Variants in KIAA1958 observed in about 807,000 individuals in gnomAD.
KIAA1958 encodes the protein uncharacterized protein KIAA1958.
A neutral mutation model predicts 47.2 loss-of-function variants in KIAA1958; 14 were observed. The observed-to-expected ratio is 0.30, with a 90% CI of 0.20 to 0.46. The LOEUF (loss-of-function observed/expected upper bound fraction) is 0.46. Ranked by LOEUF, KIAA1958 falls within the 20% of genes least tolerant of loss-of-function variation. The pLI is 1.00. For missense variants in KIAA1958, 803 were observed against 909.2 expected (o/e 0.88, Z 1.50); for synonymous variants, 354 against 353.3 (o/e 1.00, Z -0.02).
intron 1 of KIAA1958, among the ~76,000 whole-genome samples, chr9:112,533,825 C>G (rs1355319262): frequency 6.6e-6 from 1 of 152,128 alleles, no homozygotes; most frequent in African/African-American, 2.4e-5. Context: ...ATTACCTCTT[C>G]CTGGTTCTGC....
intron 1 of KIAA1958, among the ~76,000 whole-genome samples, chr9:112,521,516 C>T (rs1834543587): frequency 6.6e-6 from 1 of 152,080 alleles, no homozygotes; most frequent in Admixed American, 6.5e-5. Flanking sequence ...GCCAGGCCCT[C>T]TGAATAGTCT....
In KIAA1958 at chr9:112,618,982, T is replaced by A; in HGVS notation, c.1172-26668T>A. On this transcript the variant is annotated intron_variant, in intron 2 of 3. Transcript: ENST00000337530. This position sits in a 1 kb window ranked among gnomAD's most constrained non-coding sequence, Gnocchi z 7.1. The stretch of plus-strand genomic sequence containing the variant: ...CGGAGAAACTGTGATTATACACCGC[T>A]TCTCGTTCCCCTTCCTGTGCCCTCA... The A allele has an allele frequency of 2.8e-6, 4 of 1,446,502 alleles. No homozygotes were observed. Among genetic ancestry groups the A allele is most frequent in the Non-Finnish European group, 3.7e-6 (4 of 1,093,492 alleles). 89.6% of individuals were successfully genotyped at this position (1,446,502 alleles called of 1,614,324 possible). A position where few individuals can be genotyped will look rare whatever the true frequency, so the allele number is the denominator to read the frequency against.
At chr9:112,554,310 T>C (rs10817358) in intron 1 of KIAA1958, among the ~76,000 whole-genome samples, 145,163 of 152,098 alleles carry the variant, frequency 0.95, 69,343 homozygotes, top group African/African-American at 0.99. Context: ...CCAGCCTGAC[T>C]AACATGGTGA....
At chr9:112,550,995 A>G (rs986138445) in intron 1 of KIAA1958, among the ~76,000 whole-genome samples, 2 of 150,148 alleles carry the variant, frequency 1.3e-5, no homozygotes, top group African/African-American at 2.4e-5. Context: ...ATGGGGTTTG[A>G]GCAACCTTGG....
At chr9:112,534,395 A>G (rs976836134) in intron 1 of KIAA1958, among the ~76,000 whole-genome samples, 2 of 152,202 alleles carry the variant, frequency 1.3e-5, no homozygotes, top group African/African-American at 4.8e-5. Context: ...CCAAAAAATG[A>G]TGTCAGGGTA....
At position 112,667,804 on chromosome 9, in the gene KIAA1958, A is replaced by G. The variant is rs1175315380; in HGVS notation, c.*7735A>G. 6.6e-6 allele frequency: 1 copy of G among 152,214 alleles called. No homozygotes were observed. The highest frequency in any genetic ancestry group is 1.5e-5 in the Non-Finnish European group (1 of 68,034). The allele number at this position is 152,214 out of a possible 1,614,324, so 9.4% of individuals were successfully genotyped here. On this transcript the variant is annotated 3_prime_UTR_variant, in exon 4 of 4. Transcript: ENST00000337530. ...GCTATGTAATAGTCTTACAAAGATAATAAGTTGTACAGCAACCTACGAGGC... is the reference window on the plus strand; with the variant it reads ...GCTATGTAATAGTCTTACAAAGATAGTAAGTTGTACAGCAACCTACGAGGC...
chr9:112,624,280 A>C lies in KIAA1958; in HGVS notation c.1172-21370A>C, dbSNP rs112408184. Among the ~76,000 whole-genome samples the C allele has an allele frequency of 5.2e-3, 789 of 152,376 alleles. 10 individuals carry two copies. The highest frequency in any genetic ancestry group is 0.018 in the African/African-American group (751 of 41,594). On this transcript the variant is annotated intron_variant, in intron 2 of 3. Coordinates refer to ENST00000337530, the MANE Select transcript of KIAA1958 (RefSeq NM_133465.4). The stretch of plus-strand genomic sequence containing the variant: ...ATCTACCATACAATATGGTACAGAT[A>C]GGCAGTGATCAATTAAGAAATGCAC...
In KIAA1958 at chr9:112,667,032, CA is replaced by C. The variant is rs1837359719; in HGVS notation, c.*6966del. 6.6e-6 allele frequency: 1 copy of C among 152,112 alleles called. No individual in the cohort carries two copies. Among genetic ancestry groups the C allele is most frequent in the African/African-American group, 2.4e-5 (1 of 41,396 alleles). The allele number at this position is 152,112 out of a possible 1,614,324, so 9.4% of individuals were successfully genotyped here. A position where few individuals can be genotyped will look rare whatever the true frequency, so the allele number is the denominator to read the frequency against. ...ATAAATACCTGAGTAGCAGAACACG[CA>C]AATATTATGATTTTTTATGTATGAT... is the stretch of plus-strand genomic sequence containing the variant. On this transcript the variant is annotated 3_prime_UTR_variant, in exon 4 of 4. Coordinates refer to ENST00000337530, the MANE Select transcript of KIAA1958 (RefSeq NM_133465.4).
At chr9:112,629,381 C>T (rs887616891) in intron 2 of KIAA1958, among the ~76,000 whole-genome samples, 2 of 152,060 alleles carry the variant, frequency 1.3e-5, no homozygotes, top group East Asian at 1.9e-4. Flanking sequence ...GAAAAACGCA[C>T]GTGTGCCTGT....
At chr9:112,633,319 G>A (rs1413047578) in intron 2 of KIAA1958, among the ~76,000 whole-genome samples, 1 of 151,678 alleles carries the variant, frequency 6.6e-6, no homozygotes, top group African/African-American at 2.4e-5. Context: ...AACAGAAAAG[G>A]GGGGATTTTA....
intron 2 of KIAA1958, among the ~76,000 whole-genome samples, chr9:112,597,185 T>A (rs1477064300): frequency 6.6e-6 from 1 of 152,184 alleles, no homozygotes; most frequent in Non-Finnish European, 1.5e-5. Flanking sequence ...CTTCCCAGAC[T>A]CCTCTTCAGT....
chr9:112,613,429 A>G (rs771614496), intron 2 of KIAA1958, among the ~76,000 whole-genome samples: 4 of 152,230 alleles, frequency 2.6e-5, no homozygotes, highest in Non-Finnish European at 5.9e-5. Context: ...CCTTGGAATA[A>G]GCAAAATGTC....
chr9:112,523,945 C>A (rs1409278304), intron 1 of KIAA1958, among the ~76,000 whole-genome samples: 1 of 152,222 alleles, frequency 6.6e-6, no homozygotes, highest in Admixed American at 6.5e-5. Flanking sequence ...AGTGGCTCTT[C>A]TAGCCAACTA....
Position 112,503,760 on chromosome 9 carries a change from A to G in KIAA1958, c.-25+16642A>G, listed in dbSNP as rs1413852753. Among the ~76,000 whole-genome samples the G allele has an allele frequency of 2.0e-5, 3 of 152,064 alleles. No individual in the cohort carries two copies. In the East Asian group the frequency reaches 5.8e-4, roughly 29 times the overall value. Reference sequence around the variant, plus strand: ...TCATGTAGAACCTTCTGGCAAAATGAAAAATCCCTATTAAAAATTGTTCAA... The same window carrying G: ...TCATGTAGAACCTTCTGGCAAAATGGAAAATCCCTATTAAAAATTGTTCAA... On this transcript the variant is annotated intron_variant, in intron 1 of 3. Transcript: ENST00000337530.
intron 1 of KIAA1958, among the ~76,000 whole-genome samples, chr9:112,530,772 G>A (rs1413621070): frequency 1.3e-5 from 2 of 152,302 alleles, no homozygotes; most frequent in Non-Finnish European, 2.9e-5. Flanking sequence ...AAGTGTTTCA[G>A]TGATTATATA....
intron 2 of KIAA1958, among the ~76,000 whole-genome samples, chr9:112,602,841 T>C (rs1229772440): frequency 6.6e-6 from 1 of 152,192 alleles, no homozygotes; most frequent in East Asian, 1.9e-4. Context: ...CAACATTTAA[T>C]TTTATGCCAC....
At chr9:112,499,017 T>C (rs1462491487) in intron 1 of KIAA1958, among the ~76,000 whole-genome samples, 1 of 152,242 alleles carries the variant, frequency 6.6e-6, no homozygotes, top group Non-Finnish European at 1.5e-5. Context: ...GCCTGACTTA[T>C]TTTGCTTAGC....
At chr9:112,497,184 A>G (rs1426018593) in intron 1 of KIAA1958, among the ~76,000 whole-genome samples, 2 of 152,150 alleles carry the variant, frequency 1.3e-5, no homozygotes, top group East Asian at 3.8e-4. Flanking sequence ...GATATTGACT[A>G]TTTATGGGCT....
intron 2 of KIAA1958, among the ~76,000 whole-genome samples, chr9:112,596,893 CCTTA>C (rs1836042122): frequency 6.6e-6 from 1 of 151,992 alleles, no homozygotes; most frequent in Admixed American, 6.6e-5. Flanking sequence ...ATATTTTGAT[CCTTA>C]CTGATTAATA....
Sources: gnomAD v4.1 joint callset for allele counts (sites outside exome capture counted in the v4.1 genomes callset) on GRCh38, gnomAD v4.1.1 for gene constraint, Gnocchi (gnomAD v3.1) non-coding constraint, MANE v1.5 for transcripts, NCBI Gene and HGNC (gene_info 2026-07-23, HGNC 2026-07-21) for gene names.